TACC2: variants seen among roughly 807,000 people sequenced by gnomAD.
TACC2 encodes transforming acidic coiled-coil containing protein 2.
In TACC2, 137 loss-of-function variants were observed where a neutral mutation model predicts 227.3. That is an observed-to-expected ratio of 0.60 (90% confidence interval 0.52 to 0.69). The LOEUF is 0.69. TACC2 is among the 30% of genes least tolerant of loss of function. The probability of loss-of-function intolerance (pLI) is 0.00; values close to 1 mark genes in which losing one functional copy is unlikely to be tolerated. For synonymous variants in TACC2, 1,523 were observed against 1,487.5 expected, an observed-to-expected ratio of 1.02 and a Z score of -0.55; for missense variants, 3,470 against 3,694.4, an observed-to-expected ratio of 0.94 and a Z score of 1.57.
chr10:122,241,874 T>A, intron 18 of TACC2, 84 bp from the exon 19 acceptor site: 1 of 1,303,348 alleles, frequency 7.7e-7, no homozygotes, highest in Non-Finnish European at 1.1e-6. Context: ...CTGCTGGACA[T>A]GGGTCAGGCT....
At position 122,210,524 on chromosome 10, in the gene TACC2, T is replaced by C. The variant is rs1375033420; in HGVS notation, c.6099T>C (p.Ser2033=). Residue 2033 remains serine (S), a synonymous_variant, in exon 9 of 23, where the codon AGT becomes AGC. Coordinates refer to ENST00000369005, the MANE Select transcript of TACC2 (RefSeq NM_206862.4). This position sits in a 1 kb window ranked among gnomAD's most constrained non-coding sequence, Gnocchi z 4.6. ...ATGAAGACAAGCCGATAGCCAGCAGTGGGACTTACAACTTGGACTTTGACA... is the reference window on the plus strand; with the variant it reads ...ATGAAGACAAGCCGATAGCCAGCAGCGGGACTTACAACTTGGACTTTGACA... The part of the protein sequence containing the change: ...VFDEDKPIAS[S]GTYNLDFDNI... 1.9e-6 allele frequency: 3 copies of C among 1,614,052 alleles called. No individual in the cohort carries two copies. The highest frequency in any genetic ancestry group is 3.3e-5 in the Admixed American group (2 of 60,018).
intron 7 of TACC2, among the ~76,000 whole-genome samples, chr10:122,191,306 G>C (rs908494904): frequency 6.6e-6 from 1 of 152,144 alleles, no homozygotes; most frequent in Non-Finnish European, 1.5e-5. Flanking sequence ...GAAGACCTTA[G>C]ATGTGTGTAC....
intron 1 of TACC2, among the ~76,000 whole-genome samples, chr10:122,012,418 C>CAAATAAAAA: frequency 1.6e-5 from 1 of 60,726 alleles, no homozygotes; most frequent in Non-Finnish European, 2.9e-5. Context: ...GACTCCGTCT[C>CAAATAAAAA]AAAAAAAAAA....
chr10:122,055,197 G>C (rs2076101279), intron 3 of TACC2, among the ~76,000 whole-genome samples: 1 of 151,946 alleles, frequency 6.6e-6, no homozygotes, highest in Admixed American at 6.6e-5. Context: ...TCCAGCCTGG[G>C]TGACAGAGCA....
At chr10:122,243,643 A>G (rs1316744774) in intron 19 of TACC2, among the ~76,000 whole-genome samples, 1 of 152,198 alleles carries the variant, frequency 6.6e-6, no homozygotes, top group African/African-American at 2.4e-5. Context: ...GGAGTTGAAA[A>G]TGCTGGCAAA....
At chr10:122,167,891 C>T (rs1039527666) in intron 7 of TACC2, among the ~76,000 whole-genome samples, 3 of 151,916 alleles carry the variant, frequency 2.0e-5, no homozygotes, top group African/African-American at 4.8e-5. Flanking sequence ...TTTTCTTTTT[C>T]TTTCTTTTTT....
intron 13 of TACC2, among the ~76,000 whole-genome samples, chr10:122,227,562 C>G (rs2095653644): frequency 6.6e-6 from 1 of 152,222 alleles, no homozygotes; most frequent in African/African-American, 2.4e-5. Flanking sequence ...GGTATCCAGT[C>G]ACTTTCCCAG....
chr10:122,094,523 C>T (rs541917730), intron 5 of TACC2, among the ~76,000 whole-genome samples: 18 of 152,312 alleles, frequency 1.2e-4, no homozygotes, highest in South Asian at 1.0e-3. Flanking sequence ...AAACAATCCT[C>T]CCACCTTGGC....
rs369742666 is a variant in TACC2, at chr10:122,205,681, C to A, written c.5972-4716C>A. On this transcript the variant is annotated intron_variant, in intron 8 of 22. Transcript: ENST00000369005. This position sits in a 1 kb window ranked among gnomAD's most constrained non-coding sequence, Gnocchi z 4.5. ...CGATGGGGGCCCTGAGCCCCCACCCCAGCCCTGCAGAAGGAAGTGCTGCTC... is the reference window on the plus strand; with the variant it reads ...CGATGGGGGCCCTGAGCCCCCACCCAAGCCCTGCAGAAGGAAGTGCTGCTC... 6.6e-6 allele frequency among the ~76,000 whole-genome samples: 1 copy of A among 152,182 alleles called. No individual in the cohort carries two copies. Among genetic ancestry groups the A allele is most frequent in the African/African-American group, 2.4e-5 (1 of 41,450 alleles).
chr10:122,163,728 GC>G (rs2092970688), intron 7 of TACC2: 2 of 1,162,904 alleles, frequency 1.7e-6, no homozygotes, highest in Admixed American at 4.7e-5. Context: ...CGCGGCGCTC[GC>G]CCCCCGGCCC....
chr10:122,086,690 A>G lies in TACC2; in HGVS notation c.4190A>G (p.Glu1397Gly). The G allele has an allele frequency of 2.5e-6, 4 of 1,613,698 alleles. No homozygotes were observed. Among genetic ancestry groups the G allele is most frequent in the Non-Finnish European group, 3.4e-6 (4 of 1,179,816 alleles). Residue 1397 changes from glutamate (E) to glycine (G), a missense_variant, in exon 4 of 23, where the codon GAG becomes GGG. By Grantham distance (98) the Glu-to-Gly change is moderately conservative (BLOSUM62 -2). This residue lies in a region of TACC2 where 1,924 missense variants were observed against 1,978.3 expected (regional missense o/e 0.97). Transcript: ENST00000369005. ...GTSGGVDTSS[E>G]QIATLTGFPD... ...TCAGGTGGTGTGGACACAAGCTCTGAGCAAATCGCCACCCTCACTGGCTTC... is the reference window on the plus strand; with the variant it reads ...TCAGGTGGTGTGGACACAAGCTCTGGGCAAATCGCCACCCTCACTGGCTTC...
At chr10:122,052,263 C>T (rs1211872112) in intron 3 of TACC2, 2 of 152,174 alleles carry the variant, frequency 1.3e-5, no homozygotes, top group Non-Finnish European at 2.9e-5. Context: ...CCTGGGATCT[C>T]CTGAGGCCTG....
chr10:122,220,287 T>G (rs1395884359), intron 11 of TACC2, among the ~76,000 whole-genome samples: 1 of 152,222 alleles, frequency 6.6e-6, no homozygotes, highest in Non-Finnish European at 1.5e-5. Flanking sequence ...GACAGTTGTT[T>G]TTTTCTGTAA....
rs11200386 is a variant in TACC2 at position 122,083,964 on chromosome 10, G to A, written c.1464G>A (p.Glu488=). 6.8e-6 allele frequency: 11 copies of A among 1,614,010 alleles called. No individual in the cohort carries two copies. In the East Asian group the frequency reaches 2.5e-4, roughly 36 times the overall value. ...AGCATCCAGAAGGGGACCCTGGAGAGGTTCCTGCCCCATCACCCCAGGAGA... is the reference window on the plus strand; with the variant it reads ...AGCATCCAGAAGGGGACCCTGGAGAAGTTCCTGCCCCATCACCCCAGGAGA... ...KGEHPEGDPG[E]VPAPSPQERG... is the part of the protein sequence containing the mutation. The change falls in exon 4 of 23, where the codon GAG becomes GAA. Residue 488 remains glutamate (E), a synonymous_variant. Coordinates refer to ENST00000369005, the MANE Select transcript of TACC2 (RefSeq NM_206862.4).
At chr10:122,074,524 C>T (rs2078545176) in intron 3 of TACC2, among the ~76,000 whole-genome samples, 2 of 152,092 alleles carry the variant, frequency 1.3e-5, no homozygotes, top group South Asian at 2.1e-4. Context: ...GCAGAATGAC[C>T]TATCAGAGTT....
rs192078905 is a variant in TACC2, at chr10:122,026,851, G to A, written c.33+4837G>A. Among the ~76,000 whole-genome samples, 429 of 152,188 alleles carry A rather than the reference G, an allele frequency of 2.8e-3. 1 individual carries two copies. The highest frequency in any genetic ancestry group is 5.3e-3 in the Non-Finnish European group (358 of 68,006). On this transcript the variant is annotated intron_variant, in intron 2 of 22. Transcript: ENST00000369005. ...TAATTTTCCATTGCCTGAATGTACC[G>A]GTTTATTGATCTACTGAATAACATC...
chr10:122,115,419 C>T (rs1592179553), intron 5 of TACC2, among the ~76,000 whole-genome samples: 1 of 152,118 alleles, frequency 6.6e-6, no homozygotes, highest in East Asian at 1.9e-4. Flanking sequence ...TTGGTTGTTC[C>T]AGTGACTAGG....
At chr10:122,162,567 C>CCCCACG (rs2092885330) in intron 7 of TACC2, among the ~76,000 whole-genome samples, 2 of 152,108 alleles carry the variant, frequency 1.3e-5, no homozygotes, top group African/African-American at 4.8e-5. Context: ...TGGTGGGGTT[C>CCCCACG]CCAGGTGTGC....
Position 122,249,095 on chromosome 10 carries a change from G to C in TACC2, c.8599G>C (p.Val2867Leu). ...ATGTGCGCAGGAGTACCTGTCCCGGGTGAAGAAGGAGGAGCAGAGGTACCA... is the reference window on the plus strand; with the variant it reads ...ATGTGCGCAGGAGTACCTGTCCCGGCTGAAGAAGGAGGAGCAGAGGTACCA... ...KRCAQEYLSR[V>L]KKEEQRYQAL... Residue 2867 changes from valine (V) to leucine (L), a missense_variant, in exon 21 of 23, where the codon GTG (valine) becomes CTG (leucine). Val to Leu is a conservative substitution (Grantham distance 32). Transcript: ENST00000369005. 6.2e-7 allele frequency: 1 copy of C among 1,613,514 alleles called. No homozygotes were observed. Among genetic ancestry groups the C allele is most frequent in the South Asian group, 1.1e-5 (1 of 90,682 alleles).
Sources: allele counts gnomAD v4.1 joint callset (sites outside exome capture counted in the v4.1 genomes callset), GRCh38; gene constraint gnomAD v4.1.1; regional missense constraint gnomAD v4.1.1; non-coding constraint Gnocchi (gnomAD v3.1); transcripts MANE v1.5; gene names NCBI Gene and HGNC (gene_info 2026-07-23, HGNC 2026-07-21).